The following USH2A variants were observed in gnomAD, a reference collection of about 807,000 sequenced individuals.
USH2A encodes usherin, also known as Usher syndrome 2A (autosomal recessive, mild).
Under a neutral mutation model 538.9 loss-of-function variants are expected in USH2A, and 443 were observed. The ratio of observed to expected loss-of-function variants is 0.82; its 90% confidence interval spans 0.76 to 0.89. The LOEUF is 0.89. Ranked by LOEUF, USH2A falls within the 40% of genes least tolerant of loss-of-function variation. The pLI is 0.00. For synonymous variants in USH2A, 2,413 were observed against 2,273.5 expected, an observed-to-expected ratio of 1.06 and a Z score of -1.75; for missense variants, 6,633 against 6,324.8, an observed-to-expected ratio of 1.05 and a Z score of -1.65.
intron 62 of USH2A, among the ~76,000 whole-genome samples, chr1:215,679,016 C>A (rs1348973169): frequency 1.3e-5 from 2 of 152,174 alleles, no homozygotes; most frequent in Admixed American, 6.5e-5. Flanking sequence ...ATTTTAAGGT[C>A]ATGAATCCTA....
In USH2A at chr1:215,741,513, A is replaced by C. The variant is rs1173216061; in HGVS notation, c.11573T>G (p.Met3858Arg). The change falls in exon 60 of 72, where the codon ATG (methionine) becomes AGG (arginine). Residue 3858 changes from methionine (M) to arginine (R), a missense_variant. Physicochemically the swap from Met to Arg is moderately conservative, Grantham distance 91. Transcript: ENST00000307340. ...GGCTGCTTCAGGTGTTTTGACAAAC[A>C]TCCTACTGCTAACTCCACAACTTCC... The part of the protein sequence containing the change: ...QNGSCGVSSR[M>R]FVKTPEAAPM... 6.2e-7 allele frequency: 1 copy of C among 1,613,692 alleles called. No individual in the cohort carries two copies. The highest frequency in any genetic ancestry group is 2.2e-5 in the East Asian group (1 of 44,848).
At chr1:216,120,663 G>T (rs2033118565) in intron 21 of USH2A, among the ~76,000 whole-genome samples, 1 of 151,870 alleles carries the variant, frequency 6.6e-6, no homozygotes, top group Non-Finnish European at 1.5e-5. Context: ...ACAAGGGCGA[G>T]CCACCGCACC....
chr1:215,717,489 A>G (rs1659518925), intron 61 of USH2A, among the ~76,000 whole-genome samples: 1 of 152,192 alleles, frequency 6.6e-6, no homozygotes, highest in South Asian at 2.1e-4. Context: ...ACTATTTATA[A>G]GTACAATCAA....
chr1:215,886,316 T>C (rs1414327071), intron 41 of USH2A, among the ~76,000 whole-genome samples: 2 of 152,240 alleles, frequency 1.3e-5, no homozygotes, highest in African/African-American at 4.8e-5. Flanking sequence ...TTAGCTGTCA[T>C]ATACCTCTGT....
intron 3 of USH2A, among the ~76,000 whole-genome samples, chr1:216,418,103 A>T (rs1034129323): frequency 2.0e-5 from 3 of 152,264 alleles, no homozygotes; most frequent in Admixed American, 1.3e-4. Flanking sequence ...TTTTATTCAC[A>T]TCATCAGCTG....
intron 3 of USH2A, among the ~76,000 whole-genome samples, chr1:216,408,171 C>G (rs760321316): frequency 5.9e-5 from 9 of 151,996 alleles, no homozygotes; most frequent in Non-Finnish European, 1.2e-4. Flanking sequence ...TGCTGTAGGT[C>G]TTGATTGGAA....
At chr1:216,004,199 G>A (rs2102486290) in intron 32 of USH2A, among the ~76,000 whole-genome samples, 1 of 152,270 alleles carries the variant, frequency 6.6e-6, no homozygotes, top group Non-Finnish European at 1.5e-5. Context: ...TTGAACAGAA[G>A]TTTGGAATTA....
chr1:216,348,026 T>C (rs576983606), intron 4 of USH2A, among the ~76,000 whole-genome samples: 1 of 152,296 alleles, frequency 6.6e-6, no homozygotes, highest in East Asian at 1.9e-4. Flanking sequence ...AAAATGTTGC[T>C]GATCCTTTGT....
At chr1:216,376,474 T>A (rs2038822798) in intron 3 of USH2A, among the ~76,000 whole-genome samples, 1 of 100,840 alleles carries the variant, frequency 9.9e-6, no homozygotes, top group Non-Finnish European at 2.4e-5. Flanking sequence ...TTGATCCTGA[T>A]AAATCCCTAT....
chr1:215,841,739 A>G (rs1444944357), intron 46 of USH2A, among the ~76,000 whole-genome samples: 1 of 152,198 alleles, frequency 6.6e-6, no homozygotes, highest in Non-Finnish European at 1.5e-5. Flanking sequence ...AACAGAAACT[A>G]TCCTCAGAGT....
chr1:216,375,594 T>A (rs2038802478), intron 3 of USH2A, among the ~76,000 whole-genome samples: 1 of 152,202 alleles, frequency 6.6e-6, no homozygotes, highest in African/African-American at 2.4e-5. Flanking sequence ...TCCAGACCAC[T>A]CAAATTTTCT....
intron 15 of USH2A, among the ~76,000 whole-genome samples, chr1:216,215,256 G>C (rs1476242200): frequency 6.6e-6 from 1 of 152,022 alleles, no homozygotes; most frequent in African/African-American, 2.4e-5. Flanking sequence ...TGTAGGGGGT[G>C]GGGTACCATG....
intron 21 of USH2A, among the ~76,000 whole-genome samples, chr1:216,164,543 T>C (rs1223219556): frequency 1.3e-5 from 2 of 152,042 alleles, no homozygotes; most frequent in African/African-American, 2.4e-5. Flanking sequence ...GGGGGAATAA[T>C]AGAGTTAGGT....
At chr1:215,774,881 G>C (rs1328338240) in intron 55 of USH2A, among the ~76,000 whole-genome samples, 1 of 151,324 alleles carries the variant, frequency 6.6e-6, no homozygotes, top group African/African-American at 2.4e-5. Context: ...ACACAAAAAA[G>C]TGGTTGATGC....
intron 61 of USH2A, among the ~76,000 whole-genome samples, chr1:215,682,881 T>C (rs892801163): frequency 1.3e-5 from 2 of 151,914 alleles, no homozygotes; most frequent in African/African-American, 4.8e-5. Context: ...TTATTATTAT[T>C]CTTATTTTTT....
intron 29 of USH2A, among the ~76,000 whole-genome samples, chr1:216,072,025 G>A (rs1283727320): frequency 6.6e-6 from 1 of 152,116 alleles, no homozygotes; most frequent in African/African-American, 2.4e-5. Flanking sequence ...TTCCTCAAAG[G>A]ATGCCTGGGA....
At chr1:215,709,829 C>T (rs1659287764) in intron 61 of USH2A, among the ~76,000 whole-genome samples, 1 of 152,244 alleles carries the variant, frequency 6.6e-6, no homozygotes, top group Non-Finnish European at 1.5e-5. Context: ...CTGTATTGTG[C>T]ACTGGGGCTA....
At chr1:216,249,237 T>A (rs949214477) in intron 12 of USH2A, among the ~76,000 whole-genome samples, 6 of 152,084 alleles carry the variant, frequency 3.9e-5, no homozygotes, top group Non-Finnish European at 5.9e-5. Flanking sequence ...AGTAATTTAG[T>A]CTTCACAAAA....
Position 215,628,803 on chromosome 1 carries a change from A to G in USH2A, c.15519+11T>C. On this transcript the variant is annotated intron_variant, in intron 71 of 71. Coordinates refer to ENST00000307340, the MANE Select transcript of USH2A (RefSeq NM_206933.4). ...ATTTAGCAAAGGCCCTGTATGAGGAAACCAACTCACCAGTCCACTGTTGTG... is the reference window on the plus strand; with the variant it reads ...ATTTAGCAAAGGCCCTGTATGAGGAGACCAACTCACCAGTCCACTGTTGTG... 1.9e-6 allele frequency: 3 copies of G among 1,613,988 alleles called. No homozygotes were observed. Among genetic ancestry groups the G allele is most frequent in the Non-Finnish European group, 2.5e-6 (3 of 1,179,882 alleles).
Sources: gnomAD v4.1 joint callset for allele counts (sites outside exome capture counted in the v4.1 genomes callset) on GRCh38, gnomAD v4.1.1 for gene constraint, MANE v1.5 for transcripts, NCBI Gene and HGNC (gene_info 2026-07-23, HGNC 2026-07-21) for gene names.